Variants in PRMT8 observed in about 807,000 individuals in gnomAD.
PRMT8 encodes the protein protein arginine methyltransferase 8.
A neutral mutation model predicts 47.1 loss-of-function variants in PRMT8; 7 were observed. That is an observed-to-expected ratio of 0.15 (90% CI 0.08 to 0.28). The LOEUF (loss-of-function observed/expected upper bound fraction) is 0.28, where lower values mean the gene tolerates loss of function less well. Among genes scored for constraint, PRMT8 ranks in the 10% least tolerant of loss-of-function variants. PRMT8 has a pLI of 1.00. For synonymous variants in PRMT8, 188 were observed against 186.5 expected (o/e 1.01, Z -0.07); for missense variants, 237 against 505.4 (o/e 0.47, Z 5.09).
In PRMT8 at chr12:3,480,835, T is replaced by A. The variant is rs112285752; in HGVS notation, c.49-59771T>A. ...GTGCTTGACCTCCCACCATTAGAGATTCTTTCTCTTGTAACTTGAGCTTAG... is the reference window on the plus strand; with the variant it reads ...GTGCTTGACCTCCCACCATTAGAGAATCTTTCTCTTGTAACTTGAGCTTAG... On this transcript the variant is annotated intron_variant, in intron 1 of 9. Coordinates refer to the PRMT8 transcript ENST00000452611. 3.9e-3 allele frequency among the ~76,000 whole-genome samples: 599 copies of A among 152,332 alleles called. 1 individual carries two copies. Among genetic ancestry groups the A allele is most frequent in the South Asian group, 6.8e-3 (33 of 4,824 alleles).
intron 1 of PRMT8, among the ~76,000 whole-genome samples, chr12:3,428,946 C>G (rs1864640812): frequency 6.6e-6 from 1 of 151,006 alleles, no homozygotes. Context: ...CTGTCTCTTC[C>G]TCTCTCCGCC....
At chr12:3,387,403 T>C (rs1288125677) in intron 1 of PRMT8, among the ~76,000 whole-genome samples, 4 of 152,250 alleles carry the variant, frequency 2.6e-5, no homozygotes, top group Admixed American at 2.6e-4. Flanking sequence ...GTGTATACTT[T>C]ATCATCCTCT....
chr12:3,559,065 C>CCAGA, intron 4 of PRMT8, among the ~76,000 whole-genome samples: 1 of 152,212 alleles, frequency 6.6e-6, no homozygotes, highest in Non-Finnish European at 1.5e-5. Flanking sequence ...AGCCAGCCAG[C>CCAGA]CAGACAGCCA....
chr12:3,521,931 TA>T (rs71061122), intron 1 of PRMT8, among the ~76,000 whole-genome samples: 149,845 of 152,274 alleles, frequency 0.98, 73,780 homozygotes, highest in East Asian at 1. Context: ...GGAGCGACTT[TA>T]ACCTCAAGAG....
intron 1 of PRMT8, among the ~76,000 whole-genome samples, chr12:3,512,238 G>A (rs1313199906): frequency 2.0e-5 from 3 of 151,986 alleles, no homozygotes; most frequent in Non-Finnish European, 4.4e-5. Context: ...TTTCTCCTGC[G>A]TCTCCCACCT....
intron 1 of PRMT8, among the ~76,000 whole-genome samples, chr12:3,419,732 C>G (rs1198583192): frequency 1.3e-5 from 2 of 152,056 alleles, no homozygotes; most frequent in African/African-American, 4.8e-5. Flanking sequence ...TCAGATCACT[C>G]TCCTGCTGAA....
At chr12:3,517,240 G>A (rs79694411) in intron 1 of PRMT8, among the ~76,000 whole-genome samples, 3,986 of 152,276 alleles carry the variant, frequency 0.026, 72 homozygotes, top group Middle Eastern at 0.051. Flanking sequence ...CACTTTCGCT[G>A]TTCTCCGGGT....
intron 1 of PRMT8, among the ~76,000 whole-genome samples, chr12:3,498,091 T>C (rs1865536077): frequency 6.6e-6 from 1 of 152,242 alleles, no homozygotes; most frequent in Non-Finnish European, 1.5e-5. Context: ...TTGTGCATAG[T>C]GAGAGCTCTG....
chr12:3,468,077 G>A (rs141937938), intron 1 of PRMT8, among the ~76,000 whole-genome samples: 4 of 152,328 alleles, frequency 2.6e-5, no homozygotes, highest in African/African-American at 7.2e-5. Flanking sequence ...GTTTATTAAC[G>A]TGTTGCACAA....
intron 1 of PRMT8, among the ~76,000 whole-genome samples, chr12:3,460,959 T>TA (rs1169696682): frequency 6.6e-6 from 1 of 152,252 alleles, no homozygotes; most frequent in Non-Finnish European, 1.5e-5. Context: ...GCTCCGGACT[T>TA]ACCTCAAGTT....
At chr12:3,486,128 C>T (rs1033558089) in intron 1 of PRMT8, among the ~76,000 whole-genome samples, 4 of 152,114 alleles carry the variant, frequency 2.6e-5, no homozygotes, top group Non-Finnish European at 4.4e-5. Flanking sequence ...CCAAGGCATA[C>T]AAGAACTTTG....
intron 1 of PRMT8, among the ~76,000 whole-genome samples, chr12:3,530,940 G>T (rs1352298287): frequency 2.0e-5 from 3 of 152,214 alleles, no homozygotes; most frequent in Non-Finnish European, 4.4e-5. Flanking sequence ...GGAAACCGAG[G>T]ATAGGGAAGG....
At chr12:3,549,776 C>T (rs1007612602) in intron 2 of PRMT8, among the ~76,000 whole-genome samples, 160 bp from the exon 3 acceptor site, 7 of 152,238 alleles carry the variant, frequency 4.6e-5, no homozygotes, top group South Asian at 2.1e-4. Flanking sequence ...GCTGTTAGCA[C>T]ATGGCCCAGC....
At chr12:3,458,183 A>G (rs1298290118) in intron 1 of PRMT8, among the ~76,000 whole-genome samples, 1 of 152,170 alleles carries the variant, frequency 6.6e-6, no homozygotes, top group Non-Finnish European at 1.5e-5. Context: ...TTAATCGTGT[A>G]TCCTCCAACT....
intron 1 of PRMT8, among the ~76,000 whole-genome samples, chr12:3,515,755 G>A (rs16930550): frequency 0.023 from 3,484 of 152,262 alleles, 138 homozygotes; most frequent in African/African-American, 0.079. Context: ...CTAGCAGGGC[G>A]GGCCCCATTC....
intron 1 of PRMT8, among the ~76,000 whole-genome samples, chr12:3,392,939 G>C (rs1451881571): frequency 1.3e-5 from 2 of 152,180 alleles, no homozygotes; most frequent in Non-Finnish European, 2.9e-5. Flanking sequence ...TTGTGGTTTT[G>C]ATTTGCATGT....
chr12:3,522,958 T>C (rs1865902550), intron 1 of PRMT8, among the ~76,000 whole-genome samples: 1 of 152,078 alleles, frequency 6.6e-6, no homozygotes, highest in Non-Finnish European at 1.5e-5. Context: ...TAGAATTAAT[T>C]CTACTACCAG....
chr12:3,455,661 C>T (rs763912848), intron 1 of PRMT8, among the ~76,000 whole-genome samples: 1 of 152,180 alleles, frequency 6.6e-6, no homozygotes, highest in Non-Finnish European at 1.5e-5. Context: ...CACCTCCGAA[C>T]CTTCTCCCGG....
intron 9 of PRMT8, among the ~76,000 whole-genome samples, chr12:3,592,858 C>T (rs1051679440): frequency 1.3e-5 from 2 of 152,184 alleles, no homozygotes; most frequent in African/African-American, 2.4e-5. Context: ...AGGACGAACT[C>T]GGAACGTTTT....
Sources: gnomAD v4.1 joint callset for allele counts (sites outside exome capture counted in the v4.1 genomes callset) on GRCh38, gnomAD v4.1.1 for gene constraint, MANE v1.5 for transcripts, NCBI Gene and HGNC (gene_info 2026-07-23, HGNC 2026-07-21) for gene names.